TBC1D8: variants seen among roughly 807,000 people sequenced by gnomAD.
TBC1D8 encodes TBC1 domain family member 8.
In TBC1D8, 65 loss-of-function variants were observed where a neutral mutation model predicts 118.8. The ratio of observed to expected loss-of-function variants is 0.55; its 90% confidence interval spans 0.45 to 0.67. The LOEUF (loss-of-function observed/expected upper bound fraction) is 0.67, where lower values mean the gene tolerates loss of function less well. Ranked by LOEUF, TBC1D8 falls within the 30% of genes least tolerant of loss-of-function variation. The pLI is 0.00. For missense variants in TBC1D8, 1,376 were observed against 1,471.2 expected, an observed-to-expected ratio of 0.94 and a Z score of 1.06; for synonymous variants, 566 against 595.8, an observed-to-expected ratio of 0.95 and a Z score of 0.73.
chr2:101,019,136 GTC>G, intron 17 of TBC1D8: 1 of 1,506,448 alleles, frequency 6.6e-7, no homozygotes, highest in Non-Finnish European at 9.0e-7. Context: ...CACCGAGGAC[GTC>G]TGTCTCCCAT....
chr2:101,038,048 T>C (rs900509826), intron 7 of TBC1D8, among the ~76,000 whole-genome samples: 3 of 152,052 alleles, frequency 2.0e-5, no homozygotes, highest in Non-Finnish European at 4.4e-5. Context: ...TGCACCTCCT[T>C]TTCTCCCCAT....
In TBC1D8 at chr2:101,054,419, C is replaced by T. The variant is rs1573945857; in HGVS notation, c.403-83G>A. 4 of 1,391,920 alleles carry T rather than the reference C, an allele frequency of 2.9e-6. No homozygotes were observed. In the South Asian group the frequency reaches 3.9e-5, roughly 14 times the overall value. The allele number at this position is 1,391,920 out of a possible 1,614,324, so 86.2% of individuals were successfully genotyped here. On this transcript the variant is annotated intron_variant, in intron 3 of 19. Transcript: ENST00000409318. ...TGCAAGGGACAGGAAGCAGGAGGGA[C>T]TGAGGTGCACAGGCCCCCGAGAAGT...
chr2:101,041,571 A>G (rs1264104730), intron 5 of TBC1D8, among the ~76,000 whole-genome samples: 1 of 152,138 alleles, frequency 6.6e-6, no homozygotes, highest in Non-Finnish European at 1.5e-5. Context: ...TCATGGGTAC[A>G]TGGTTTCTTT....
intron 1 of TBC1D8, among the ~76,000 whole-genome samples, chr2:101,121,863 C>T (rs1574063729): frequency 6.6e-6 from 1 of 151,970 alleles, no homozygotes; most frequent in African/African-American, 2.4e-5. Context: ...GTCAAGAGTT[C>T]GAGACCAGCC....
chr2:101,103,610 T>C (rs1037514355), intron 1 of TBC1D8, among the ~76,000 whole-genome samples: 1 of 152,076 alleles, frequency 6.6e-6, no homozygotes, highest in Non-Finnish European at 1.5e-5. Flanking sequence ...GCCAGGATGG[T>C]CTCGATCTCC....
chr2:101,040,619 G>A (rs186614079), intron 5 of TBC1D8, among the ~76,000 whole-genome samples: 4 of 152,310 alleles, frequency 2.6e-5, no homozygotes, highest in Admixed American at 1.3e-4. Flanking sequence ...ACAGGGACGC[G>A]CCACCGCGCC....
chr2:101,140,910 C>T (rs1444982205), intron 1 of TBC1D8, among the ~76,000 whole-genome samples: 8 of 152,068 alleles, frequency 5.3e-5, no homozygotes, highest in Admixed American at 2.6e-4. Context: ...TACAGGGATG[C>T]GCCACCATGC....
At chr2:101,030,128 TACA>T (rs780234532) in intron 11 of TBC1D8, among the ~76,000 whole-genome samples, 2 of 152,042 alleles carry the variant, frequency 1.3e-5, no homozygotes, top group African/African-American at 2.4e-5. Flanking sequence ...TTAAGAAAAA[TACA>T]ACATTTCTTA....
At chr2:101,027,616 T>C (rs1454033340) in intron 14 of TBC1D8, among the ~76,000 whole-genome samples, 165 bp from the exon 15 acceptor site, 1 of 152,196 alleles carries the variant, frequency 6.6e-6, no homozygotes, top group Non-Finnish European at 1.5e-5. Flanking sequence ...CAGGTATCTT[T>C]CCCAGGTGTT....
chr2:101,050,358 T>C (rs1681985266), intron 5 of TBC1D8, 43 bp downstream of exon 5: 1 of 1,589,346 alleles, frequency 6.3e-7, no homozygotes, highest in Admixed American at 1.7e-5. Context: ...AGCTTATGGG[T>C]CCCCCGTGCG....
At chr2:101,145,172 A>C (rs1350583371) in intron 1 of TBC1D8, among the ~76,000 whole-genome samples, 1 of 152,188 alleles carries the variant, frequency 6.6e-6, no homozygotes, top group African/African-American at 2.4e-5. Flanking sequence ...CTGGAGTGAC[A>C]CAGTCCGTGC....
chr2:101,120,964 G>A (rs377610570), intron 1 of TBC1D8, among the ~76,000 whole-genome samples: 1 of 152,102 alleles, frequency 6.6e-6, no homozygotes. Context: ...ATCATTACAG[G>A]GTATCTTTAC....
intron 1 of TBC1D8, among the ~76,000 whole-genome samples, chr2:101,110,980 CAAA>C (rs10708630): frequency 1.5e-4 from 13 of 87,180 alleles, no homozygotes; most frequent in East Asian, 3.2e-4. Flanking sequence ...AACTCCATCG[CAAA>C]AAAAAAAAAA....
At chr2:101,066,508 T>C (rs1683023186) in intron 2 of TBC1D8, among the ~76,000 whole-genome samples, 1 of 152,240 alleles carries the variant, frequency 6.6e-6, no homozygotes, top group South Asian at 2.1e-4. Flanking sequence ...TTAAAATAAT[T>C]ACACAGCAAA....
At chr2:101,124,661 C>G (rs924093243) in intron 1 of TBC1D8, among the ~76,000 whole-genome samples, 1 of 152,310 alleles carries the variant, frequency 6.6e-6, no homozygotes, top group East Asian at 1.9e-4. Context: ...TAAGCCAACC[C>G]TGAACTCAGG....
At chr2:101,133,240 T>C (rs62152488) in intron 1 of TBC1D8, among the ~76,000 whole-genome samples, 4 of 151,796 alleles carry the variant, frequency 2.6e-5, no homozygotes, top group Non-Finnish European at 4.4e-5. Flanking sequence ...TGATTCTAAA[T>C]AAAACTTTTC....
At chr2:101,009,393 G>A (rs1391682166) in intron 19 of TBC1D8, among the ~76,000 whole-genome samples, 3 of 143,890 alleles carry the variant, frequency 2.1e-5, no homozygotes, top group Non-Finnish European at 3.0e-5. Context: ...GCGACAGAGT[G>A]AGACTCTGTC....
intron 15 of TBC1D8, among the ~76,000 whole-genome samples, 176 bp from the exon 16 acceptor site, chr2:101,022,697 G>GT (rs1284627184): frequency 6.6e-6 from 1 of 152,110 alleles, no homozygotes; most frequent in Non-Finnish European, 1.5e-5. Context: ...TTTCACGTTG[G>GT]TTTTTTTATT....
intron 2 of TBC1D8, among the ~76,000 whole-genome samples, chr2:101,073,920 T>G (rs1265071250): frequency 1.3e-5 from 2 of 152,252 alleles, no homozygotes; most frequent in African/African-American, 4.8e-5. Flanking sequence ...ACTTTCTCCA[T>G]AGAAGCAATA....
Sources: gnomAD v4.1 joint callset for allele counts (sites outside exome capture counted in the v4.1 genomes callset) on GRCh38, gnomAD v4.1.1 for gene constraint, MANE v1.5 for transcripts, NCBI Gene and HGNC (gene_info 2026-07-23, HGNC 2026-07-21) for gene names.